Variants in HINT1 observed in about 807,000 individuals in gnomAD.
HINT1 encodes histidine triad nucleotide binding protein 1.
A neutral mutation model predicts 11.2 loss-of-function variants in HINT1; 12 were observed. The ratio of observed to expected loss-of-function variants is 1.07; its 90% confidence interval spans 0.69 to 1.74. The LOEUF (loss-of-function observed/expected upper bound fraction) is 1.74. Among genes scored for constraint, HINT1 ranks in the 40% most tolerant of loss-of-function variants. The probability of loss-of-function intolerance (pLI) is 0.00; values close to 1 mark genes in which losing one functional copy is unlikely to be tolerated. For synonymous variants in HINT1, 42 were observed against 52.6 expected (o/e 0.80, Z 0.87); for missense variants, 150 against 161.8 (o/e 0.93, Z 0.40).
At position 131,165,125 on chromosome 5, in the gene HINT1, T is replaced by C. The variant is rs1561538396; in HGVS notation, c.81A>G (p.Ile27Met). The change falls in exon 1 of 3, where the codon ATA becomes ATG. Residue 27 changes from isoleucine to methionine, a missense_variant. Coordinates refer to ENST00000304043, the MANE Select transcript of HINT1 (RefSeq NM_005340.7). ...TIFGKIIRKE[I>M]PAKIIFEDDR... ...CATCCTCAAAAATGATTTTGGCTGG[T>C]ATTTCCTTGCGGATGATCTTCCCAA... is the stretch of plus-strand genomic sequence containing the variant. 2 of 1,613,456 alleles carry C rather than the reference T, an allele frequency of 1.2e-6. No homozygotes were observed. Among genetic ancestry groups the C allele is most frequent in the Non-Finnish European group, 1.7e-6 (2 of 1,179,914 alleles).
At chr5:131,164,853 G>T (rs1755353526) in intron 1 of HINT1, among the ~76,000 whole-genome samples, 1 of 151,852 alleles carries the variant, frequency 6.6e-6, no homozygotes, top group Non-Finnish European at 1.5e-5. Flanking sequence ...CACTCAGGGC[G>T]CCCGGCGGCC....
intron 1 of HINT1, 182 bp downstream of exon 1, chr5:131,164,913 C>G: frequency 1.3e-6 from 1 of 760,816 alleles, no homozygotes; most frequent in Non-Finnish European, 1.9e-6. Flanking sequence ...CGGCACGCGC[C>G]GGCAGGCCGC....
intron 1 of HINT1, 44 bp downstream of exon 1, chr5:131,165,051 G>C (rs374378188): frequency 6.2e-7 from 1 of 1,611,654 alleles, no homozygotes; most frequent in African/African-American, 1.3e-5. Context: ...ATCCGCGGAC[G>C]ATACCCACCT....
chr5:131,160,287 G>A (rs906047490), intron 2 of HINT1, among the ~76,000 whole-genome samples: 3 of 152,004 alleles, frequency 2.0e-5, no homozygotes, highest in South Asian at 2.1e-4. Context: ...TTGCATTGTC[G>A]GGACTTGCAG....
intron 1 of HINT1, 136 bp downstream of exon 1, chr5:131,164,959 C>G: frequency 7.7e-7 from 1 of 1,292,350 alleles, no homozygotes; most frequent in Middle Eastern, 2.0e-4. Flanking sequence ...TGGCTGGGGG[C>G]CCGCTGGACC....
intron 1 of HINT1, among the ~76,000 whole-genome samples, chr5:131,163,029 G>A (rs1382075156): frequency 6.6e-6 from 1 of 151,882 alleles, no homozygotes; most frequent in Non-Finnish European, 1.5e-5. Context: ...TAGAGACGGG[G>A]TTTCACCATG....
chr5:131,161,025 G>T lies in HINT1; in HGVS notation c.217-1414C>A. 1.7e-5 allele frequency: 5 copies of T among 293,824 alleles called. 1 individual carries two copies. The highest frequency in any genetic ancestry group is 1.1e-4 in the South Asian group (4 of 36,258). 18.2% of individuals were successfully genotyped at this position (293,824 alleles called of 1,614,324 possible). A position where few individuals can be genotyped will look rare whatever the true frequency, so the allele number is the denominator to read the frequency against. ...TTATGATGGGTTTATCAGCATGTAA[G>T]CCCATCTTAAGTTGATGAGCATCTA... On this transcript the variant is annotated intron_variant, in intron 2 of 2. Coordinates refer to ENST00000304043, the MANE Select transcript of HINT1 (RefSeq NM_005340.7).
At position 131,162,600 on chromosome 5, in the gene HINT1, A is replaced by T. The variant is rs1048322333; in HGVS notation, c.188T>A (p.Ile63Asn). The part of the protein sequence containing the change: ...LVIPKKHISQ[I>N]SVAEDDDESL... ...TTCATCATCATCTTCTGCCACAGAAATCTGGGATATATGTTTCTTGGGTAT... is the reference window on the plus strand; with the variant it reads ...TTCATCATCATCTTCTGCCACAGAATTCTGGGATATATGTTTCTTGGGTAT... The change falls in exon 2 of 3, where the codon ATT becomes AAT. Residue 63 changes from isoleucine to asparagine, a missense_variant. By Grantham distance (149) the Ile-to-Asn change is moderately radical (BLOSUM62 -3). Coordinates refer to ENST00000304043, the MANE Select transcript of HINT1 (RefSeq NM_005340.7). The T allele has an allele frequency of 1.9e-6, 3 of 1,613,234 alleles. No homozygotes were observed. In the African/African-American group the frequency reaches 4.0e-5, roughly 22 times the overall value.
chr5:131,159,877 G>C (rs1755205740), intron 2 of HINT1, among the ~76,000 whole-genome samples: 1 of 151,790 alleles, frequency 6.6e-6, no homozygotes. Flanking sequence ...TAAGAGATGG[G>C]GTCTTGCTCT....
At chr5:131,159,742 GA>G (rs1282363293) in intron 2 of HINT1, 131 bp from the exon 3 acceptor site, 2 of 774,392 alleles carry the variant, frequency 2.6e-6, no homozygotes, top group African/African-American at 3.5e-5. Context: ...CAAATATTTG[GA>G]AACTCTTAAT....
chr5:131,163,160 C>T (rs560014117), intron 1 of HINT1, among the ~76,000 whole-genome samples: 48 of 152,150 alleles, frequency 3.2e-4, no homozygotes, highest in African/African-American at 1.2e-3. Flanking sequence ...TATGGGAAGA[C>T]CAACTTTAAA....
intron 2 of HINT1, among the ~76,000 whole-genome samples, 162 bp from the exon 3 acceptor site, chr5:131,159,773 C>T (rs1755203309): frequency 6.6e-6 from 1 of 152,156 alleles, no homozygotes. Flanking sequence ...GCATAATCTA[C>T]AACTGGAGAC....
At chr5:131,164,942 T>A in intron 1 of HINT1, 153 bp downstream of exon 1, 1 of 1,135,944 alleles carries the variant, frequency 8.8e-7, no homozygotes, top group Non-Finnish European at 1.2e-6. Flanking sequence ...GCCCGGGCCC[T>A]GTCCGCTGGC....
At chr5:131,162,091 C>T (rs140607406) in intron 2 of HINT1, 525 of 295,356 alleles carry the variant, frequency 1.8e-3, no homozygotes, top group Middle Eastern at 9.2e-3. Flanking sequence ...TTTGGGAGGC[C>T]GAGGCGGGCG....
intron 2 of HINT1, chr5:131,160,979 C>A: frequency 2.9e-6 from 1 of 339,334 alleles, no homozygotes; most frequent in Admixed American, 3.6e-5. Flanking sequence ...GCATTTTCAA[C>A]AGACATACAA....
rs1755191059 is a variant in HINT1, at chr5:131,159,367, A to G, written c.*80T>C. ...TGAATCTCTCCATACACAGGCAAAA[A>G]TAAGTGTGTTACTTAACATACTGGA... On this transcript the variant is annotated 3_prime_UTR_variant, in exon 3 of 3. Transcript: ENST00000304043. The G allele has an allele frequency of 3.1e-6, 4 of 1,294,728 alleles. No homozygotes were observed. The highest frequency in any genetic ancestry group is 2.7e-5 in the South Asian group (2 of 75,034). The allele number at this position is 1,294,728 out of a possible 1,614,324, so 80.2% of individuals were successfully genotyped here. A position where few individuals can be genotyped will look rare whatever the true frequency, so the allele number is the denominator to read the frequency against.
At chr5:131,164,555 G>A (rs969422441) in intron 1 of HINT1, among the ~76,000 whole-genome samples, 3 of 152,200 alleles carry the variant, frequency 2.0e-5, no homozygotes. Flanking sequence ...GAGGAAGCCG[G>A]CAGGCCCAGA....
chr5:131,161,329 C>T (rs768564844), intron 2 of HINT1, among the ~76,000 whole-genome samples: 56 of 152,134 alleles, frequency 3.7e-4, no homozygotes, highest in Middle Eastern at 3.4e-3. Flanking sequence ...TGGGGCTGGG[C>T]GTGGTGGCTG....
In HINT1 at chr5:131,165,085, C is replaced by T; in HGVS notation, c.111+10G>A. On this transcript the variant is annotated intron_variant, in intron 1 of 2. Transcript: ENST00000304043. ...CTCAGCAGGCGAGAGAGGTGGTGCC[C>T]AGTACCTACCCGGTCATCCTCAAAA... 2 of 1,613,648 alleles carry T rather than the reference C, an allele frequency of 1.2e-6. No individual in the cohort carries two copies. Among genetic ancestry groups the T allele is most frequent in the Non-Finnish European group, 1.7e-6 (2 of 1,179,836 alleles).
Sources: allele counts gnomAD v4.1 joint callset (sites outside exome capture counted in the v4.1 genomes callset), GRCh38; gene constraint gnomAD v4.1.1; transcripts MANE v1.5; gene names NCBI Gene and HGNC (gene_info 2026-07-23, HGNC 2026-07-21).